Variants in NDUFS4 observed in about 807,000 individuals in gnomAD.
The protein encoded by NDUFS4 is NADH:ubiquinone oxidoreductase subunit S4, also known as NADH dehydrogenase [ubiquinone] iron-sulfur protein 4, mitochondrial.
NDUFS4 carries 28 observed loss-of-function variants against 24.3 expected under a neutral mutation model. That is an observed-to-expected ratio of 1.15 (90% CI 0.85 to 1.58). The LOEUF is 1.58. Among genes scored for constraint, NDUFS4 ranks in the 40% most tolerant of loss-of-function variants. The pLI is 0.00. For synonymous variants in NDUFS4, 93 were observed against 69.7 expected (o/e 1.34, Z -1.67); for missense variants, 223 against 207.9 (o/e 1.07, Z -0.45).
chr5:53,598,501 T>A (rs1311601412), intron 1 of NDUFS4, among the ~76,000 whole-genome samples: 1 of 152,174 alleles, frequency 6.6e-6, no homozygotes, highest in African/African-American at 2.4e-5. Context: ...TCAAATAGAC[T>A]GTCATCACTA....
chr5:53,581,918 A>C (rs1267537284), intron 1 of NDUFS4, among the ~76,000 whole-genome samples: 2 of 152,222 alleles, frequency 1.3e-5, no homozygotes, highest in African/African-American at 4.8e-5. Context: ...CATTAAAATA[A>C]ATGTGAGCTA....
intron 4 of NDUFS4, among the ~76,000 whole-genome samples, chr5:53,675,255 C>T (rs906314421): frequency 2.0e-5 from 3 of 151,210 alleles, no homozygotes; most frequent in Non-Finnish European, 1.5e-5. Flanking sequence ...CTCTGCCTCC[C>T]GGGTTCATGC....
intron 2 of NDUFS4, among the ~76,000 whole-genome samples, chr5:53,628,354 T>G (rs365932): frequency 6.6e-6 from 1 of 152,020 alleles, no homozygotes; most frequent in Non-Finnish European, 1.5e-5. Flanking sequence ...TTTTTTGTTG[T>G]GTCTCTGCCA....
chr5:53,670,899 T>C (rs1752649923), intron 4 of NDUFS4, among the ~76,000 whole-genome samples: 1 of 151,354 alleles, frequency 6.6e-6, no homozygotes, highest in Non-Finnish European at 1.5e-5. Flanking sequence ...TACTATAGTA[T>C]CTCTTTACTA....
rs184679012 is a variant in NDUFS4, at chr5:53,662,113, G to C, written c.424+3489G>C. 1.5e-3 allele frequency among the ~76,000 whole-genome samples: 228 copies of C among 152,256 alleles called. 1 individual carries two copies. The highest frequency in any genetic ancestry group is 5.0e-3 in the African/African-American group (206 of 41,520). The stretch of plus-strand genomic sequence containing the variant: ...AATGTTTCCAGTTCTTGCCCATTCA[G>C]TATGATATTGGCTGTGGGTTTGTCA... On this transcript the variant is annotated intron_variant, in intron 4 of 4. Transcript: ENST00000296684.
intron 1 of NDUFS4, among the ~76,000 whole-genome samples, chr5:53,599,366 CCATTTTA>C (rs1234958231): frequency 6.6e-6 from 1 of 152,044 alleles, no homozygotes; most frequent in African/African-American, 2.4e-5. Context: ...AGTGGTAGTA[CCATTTTA>C]CATTCCCATA....
intron 1 of NDUFS4, among the ~76,000 whole-genome samples, chr5:53,572,240 A>G (rs151151972): frequency 4.5e-4 from 69 of 152,332 alleles, no homozygotes; most frequent in African/African-American, 1.5e-3. Context: ...GTCTTCAGAG[A>G]TAACAATGTT....
chr5:53,560,788 A>G (rs1478368745), intron 1 of NDUFS4, 28 bp downstream of exon 1: 2 of 1,613,814 alleles, frequency 1.2e-6, no homozygotes, highest in Admixed American at 3.3e-5. Flanking sequence ...CTTTTCTTCA[A>G]GCTTCTTGGG....
chr5:53,633,239 T>G (rs1751458556), intron 2 of NDUFS4, among the ~76,000 whole-genome samples: 1 of 152,200 alleles, frequency 6.6e-6, no homozygotes, highest in African/African-American at 2.4e-5. Context: ...AATGATAGTG[T>G]TCAAGACATG....
chr5:53,588,852 T>G (rs1749853062), intron 1 of NDUFS4, among the ~76,000 whole-genome samples: 1 of 152,124 alleles, frequency 6.6e-6, no homozygotes, highest in African/African-American at 2.4e-5. Context: ...TTTTAATATA[T>G]TTTTTATACA....
intron 4 of NDUFS4, among the ~76,000 whole-genome samples, chr5:53,664,858 C>A (rs1314634306): frequency 1.3e-5 from 2 of 152,168 alleles, no homozygotes; most frequent in Non-Finnish European, 2.9e-5. Flanking sequence ...CAGCTTTGTT[C>A]CATTGCTGGT....
intron 1 of NDUFS4, among the ~76,000 whole-genome samples, chr5:53,566,847 G>GT (rs1480939559): frequency 4.3e-5 from 6 of 139,118 alleles, no homozygotes; most frequent in African/African-American, 1.8e-4. Flanking sequence ...CCACCGCCAA[G>GT]TATTTTTTTT....
At chr5:53,656,608 T>A (rs924308571) in intron 3 of NDUFS4, among the ~76,000 whole-genome samples, 2 of 152,192 alleles carry the variant, frequency 1.3e-5, no homozygotes, top group Non-Finnish European at 2.9e-5. Context: ...CTGATTTGAC[T>A]AGTTGGTTAC....
At chr5:53,561,580 A>G (rs576425933) in intron 1 of NDUFS4, among the ~76,000 whole-genome samples, 1 of 151,956 alleles carries the variant, frequency 6.6e-6, no homozygotes, top group African/African-American at 2.4e-5. Context: ...AGTTTTTTAA[A>G]TTATAGTACT....
intron 2 of NDUFS4, among the ~76,000 whole-genome samples, chr5:53,618,340 T>C (rs896518252): frequency 1.3e-5 from 2 of 152,200 alleles, no homozygotes; most frequent in African/African-American, 4.8e-5. Flanking sequence ...CTTCCTTTTT[T>C]TGCTACTTGG....
chr5:53,661,433 T>A (rs537981534), intron 4 of NDUFS4, among the ~76,000 whole-genome samples: 5,390 of 152,110 alleles, frequency 0.035, 328 homozygotes, highest in African/African-American at 0.12. Flanking sequence ...GTCAGGTAGC[T>A]TGATGCCTCC....
At chr5:53,649,963 G>T (rs948405220) in intron 3 of NDUFS4, among the ~76,000 whole-genome samples, 32 of 152,164 alleles carry the variant, frequency 2.1e-4, no homozygotes, top group Non-Finnish European at 2.1e-4. Context: ...TTGAAGAGTA[G>T]GTGTTGTGTT....
chr5:53,665,241 G>T lies in NDUFS4; in HGVS notation c.424+6617G>T, dbSNP rs557790238. 2.6e-5 allele frequency among the ~76,000 whole-genome samples: 4 copies of T among 152,188 alleles called. No homozygotes were observed. In the East Asian group the frequency reaches 7.7e-4, roughly 29 times the overall value. Reference sequence around the variant, plus strand: ...TGTGAGGTGTCAGTCTGACCCTACTGGGGGGTGCCTCCCAGTTAGGCTACT... The same window carrying T: ...TGTGAGGTGTCAGTCTGACCCTACTTGGGGGTGCCTCCCAGTTAGGCTACT... On this transcript the variant is annotated intron_variant, in intron 4 of 4. Transcript: ENST00000296684.
At chr5:53,676,104 T>C (rs1304495427) in intron 4 of NDUFS4, among the ~76,000 whole-genome samples, 1 of 152,194 alleles carries the variant, frequency 6.6e-6, no homozygotes, top group African/African-American at 2.4e-5. Flanking sequence ...CAGGCAAATG[T>C]TATAACCAGT....
Sources: allele counts gnomAD v4.1 joint callset (sites outside exome capture counted in the v4.1 genomes callset), GRCh38; gene constraint gnomAD v4.1.1; transcripts MANE v1.5; gene names NCBI Gene and HGNC (gene_info 2026-07-23, HGNC 2026-07-21).